The following ELF2 variants were observed in gnomAD, a reference collection of about 807,000 sequenced individuals.
ELF2 encodes the protein E74 like ETS transcription factor 2, also known as ETS-related transcription factor Elf-2.
In ELF2, 11 loss-of-function variants were observed where a neutral mutation model predicts 54.8. The observed-to-expected ratio is 0.20, with a 90% confidence interval of 0.13 to 0.33. The LOEUF (loss-of-function observed/expected upper bound fraction) is 0.33, where lower values mean the gene tolerates loss of function less well. Ranked by LOEUF, ELF2 falls within the 10% of genes least tolerant of loss-of-function variation. ELF2 has a pLI of 1.00. For synonymous variants in ELF2, 203 were observed against 245.1 expected, an observed-to-expected ratio of 0.83 and a Z score of 1.61; for missense variants, 513 against 703.0, an observed-to-expected ratio of 0.73 and a Z score of 3.06.
chr4:139,135,737 C>A (rs1738084579), intron 3 of ELF2, among the ~76,000 whole-genome samples: 1 of 152,160 alleles, frequency 6.6e-6, no homozygotes, highest in African/African-American at 2.4e-5. Context: ...GGCCACACTA[C>A]CTGACATGCT....
At chr4:139,092,472 A>ATAACATAACATAACATAACAT (rs1553959712) in intron 4 of ELF2, among the ~76,000 whole-genome samples, 15 of 151,076 alleles carry the variant, frequency 9.9e-5, no homozygotes, top group African/African-American at 2.0e-4. Flanking sequence ...ATAACATAAC[A>ATAACATAACATAACATAACAT]TAGGGCCGGG....
intron 4 of ELF2, among the ~76,000 whole-genome samples, chr4:139,092,399 TA>T (rs1332508229): frequency 1.0e-5 from 1 of 95,444 alleles, no homozygotes; most frequent in African/African-American, 3.8e-5. Flanking sequence ...TAACATAACA[TA>T]ACATAACATA....
intron 4 of ELF2, among the ~76,000 whole-genome samples, chr4:139,103,593 C>T (rs1324049936): frequency 1.3e-5 from 2 of 152,230 alleles, no homozygotes; most frequent in Admixed American, 6.5e-5. Context: ...CATGACCCTT[C>T]CCCAATACTT....
chr4:139,155,200 G>A (rs1273332490), intron 1 of ELF2: 2 of 152,290 alleles, frequency 1.3e-5, no homozygotes, highest in Non-Finnish European at 2.9e-5. Context: ...ACTGAGGCAG[G>A]AGGATTGCTT....
At chr4:139,151,953 G>A (rs1233300814) in intron 1 of ELF2, among the ~76,000 whole-genome samples, 1 of 152,114 alleles carries the variant, frequency 6.6e-6, no homozygotes, top group East Asian at 1.9e-4. Flanking sequence ...TATCTTACTT[G>A]CTATTACACC....
At chr4:139,110,139 G>A (rs991310824) in intron 4 of ELF2, among the ~76,000 whole-genome samples, 1 of 152,116 alleles carries the variant, frequency 6.6e-6, no homozygotes, top group Non-Finnish European at 1.5e-5. Context: ...TACACTCAAA[G>A]CTATGTCTGT....
chr4:139,090,651 G>C (rs1179079865), intron 4 of ELF2, among the ~76,000 whole-genome samples: 6 of 152,170 alleles, frequency 3.9e-5, no homozygotes, highest in African/African-American at 1.4e-4. Context: ...CGGGAGTATA[G>C]TGGTATCATC....
At chr4:139,084,465 T>C (rs879009521) in intron 4 of ELF2, 65 of 688,718 alleles carry the variant, frequency 9.4e-5, no homozygotes, top group Middle Eastern at 6.1e-4. Flanking sequence ...GCGGCGGCTG[T>C]GGCTGTGGCG....
upstream of ELF2, among the ~76,000 whole-genome samples, chr4:139,177,398 C>T (rs1743084743): frequency 1.3e-5 from 2 of 151,888 alleles, no homozygotes; most frequent in South Asian, 4.1e-4. Flanking sequence ...CGCCAGTCAC[C>T]GCAGCGCCTG....
chr4:139,134,022 A>C (rs1737835983), intron 3 of ELF2, among the ~76,000 whole-genome samples: 1 of 152,128 alleles, frequency 6.6e-6, no homozygotes, highest in South Asian at 2.1e-4. Context: ...TTGCCAGTGC[A>C]ATGTTGAATA....
chr4:139,132,770 A>G (rs1038501698), intron 3 of ELF2, among the ~76,000 whole-genome samples: 2 of 150,276 alleles, frequency 1.3e-5, no homozygotes, highest in Non-Finnish European at 3.0e-5. Flanking sequence ...GAGTCAAATT[A>G]TCAGATCACA....
At chr4:139,158,107 T>C (rs960514209) in intron 1 of ELF2, among the ~76,000 whole-genome samples, 1 of 151,984 alleles carries the variant, frequency 6.6e-6, no homozygotes, top group African/African-American at 2.4e-5. Flanking sequence ...GAACGTTTTA[T>C]AGGATTTGGG....
intron 3 of ELF2, among the ~76,000 whole-genome samples, chr4:139,129,713 C>T (rs894630559): frequency 2.0e-5 from 3 of 152,170 alleles, no homozygotes; most frequent in Non-Finnish European, 4.4e-5. Context: ...CAATTAGTGA[C>T]AGCTGATATT....
At chr4:139,082,131 A>T (rs534959225) in intron 4 of ELF2, among the ~76,000 whole-genome samples, 31 of 152,312 alleles carry the variant, frequency 2.0e-4, no homozygotes, top group South Asian at 1.2e-3. Flanking sequence ...ATAGTTTCCA[A>T]TGGCAAAGTG....
At chr4:139,080,646 G>A (rs1023915163) in intron 4 of ELF2, among the ~76,000 whole-genome samples, 1 of 151,934 alleles carries the variant, frequency 6.6e-6, no homozygotes, top group African/African-American at 2.4e-5. Flanking sequence ...AGTCAAGAAA[G>A]GTATACTTGA....
chr4:139,171,850 GGAGA>G (rs1412456792), intron 1 of ELF2, among the ~76,000 whole-genome samples: 1 of 152,174 alleles, frequency 6.6e-6, no homozygotes, highest in Non-Finnish European at 1.5e-5. Flanking sequence ...CTTGAACCCA[GGAGA>G]GAGAGGTTGC....
At chr4:139,141,647 A>G (rs539704260) in intron 1 of ELF2, among the ~76,000 whole-genome samples, 1 of 152,266 alleles carries the variant, frequency 6.6e-6, no homozygotes, top group South Asian at 2.1e-4. Context: ...TCTTCACTCT[A>G]TGGGTAGGGT....
chr4:139,116,649 CA>C, intron 4 of ELF2: 2 of 984,582 alleles, frequency 2.0e-6, no homozygotes, highest in Non-Finnish European at 2.4e-6. Context: ...ACCAACCTAC[CA>C]GCATTGTCTT....
intron 6 of ELF2, among the ~76,000 whole-genome samples, chr4:139,069,072 T>G (rs1047889447): frequency 6.6e-6 from 1 of 152,084 alleles, no homozygotes; most frequent in Admixed American, 6.6e-5. Flanking sequence ...TTTTACCATG[T>G]TGCCCAGGCT....
Sources: gnomAD v4.1 joint callset for allele counts (sites outside exome capture counted in the v4.1 genomes callset) on GRCh38, gnomAD v4.1.1 for gene constraint, MANE v1.5 for transcripts, NCBI Gene and HGNC (gene_info 2026-07-23, HGNC 2026-07-21) for gene names.